MAF: variants seen among roughly 807,000 people sequenced by gnomAD.
MAF encodes the protein transcription factor Maf.
MAF carries 10 observed loss-of-function variants against 22.0 expected under a neutral mutation model. That is an observed-to-expected ratio of 0.45 (90% CI 0.28 to 0.77). The LOEUF is 0.77. Ranked by LOEUF, MAF falls within the 30% of genes least tolerant of loss-of-function variation. The pLI is 0.12. For missense variants in MAF, 544 were observed against 548.4 expected (o/e 0.99, Z 0.08); for synonymous variants, 337 against 255.8 (o/e 1.32, Z -3.03).
the MAF span, among the ~76,000 whole-genome samples, chr16:79,209,265 A>G: frequency 1.3e-5 from 2 of 152,228 alleles, no homozygotes; most frequent in Admixed American, 6.5e-5. Flanking sequence ...AGCTCCTGCA[A>G]CAATGGCATT....
At chr16:79,524,517 T>C in the MAF span, among the ~76,000 whole-genome samples, 1 of 152,250 alleles carries the variant, frequency 6.6e-6, no homozygotes, top group African/African-American at 2.4e-5. Context: ...ATCAGCAATT[T>C]TGAGGTTTCT....
intron 1 of MAF, 90 bp downstream of exon 1, chr16:79,598,695 A>T: frequency 6.3e-7 from 1 of 1,582,436 alleles, no homozygotes; most frequent in African/African-American, 1.3e-5. Context: ...GGTGGCGAGC[A>T]TGGCTCTAGA....
At chr16:79,541,489 A>ATT in the MAF span, among the ~76,000 whole-genome samples, 24 of 150,934 alleles carry the variant, frequency 1.6e-4, no homozygotes, top group Non-Finnish European at 2.4e-4. Flanking sequence ...AAAAAAAAAA[A>ATT]AATAATAAAT....
chr16:79,483,027 CCCCT>C, the MAF span, among the ~76,000 whole-genome samples: 3 of 7,418 alleles, frequency 4.0e-4, no homozygotes, highest in African/African-American at 1.6e-3. Flanking sequence ...TCTCTTCCCT[CCCCT>C]CCCTCCCTCC....
At chr16:79,328,162 T>C in the MAF span, among the ~76,000 whole-genome samples, 1 of 152,190 alleles carries the variant, frequency 6.6e-6, no homozygotes, top group Non-Finnish European at 1.5e-5. Flanking sequence ...GGTAGGTGCC[T>C]AGTAATATAT....
chr16:79,249,426 A>G, the MAF span, among the ~76,000 whole-genome samples: 2 of 151,630 alleles, frequency 1.3e-5, no homozygotes, highest in East Asian at 1.9e-4. Context: ...TTCAAAAAAA[A>G]AAAAAAAAAA....
At chr16:79,377,749 T>G in the MAF span, among the ~76,000 whole-genome samples, 1 of 152,208 alleles carries the variant, frequency 6.6e-6, no homozygotes, top group African/African-American at 2.4e-5. Context: ...TACATATGGC[T>G]AGCCAGTTTT....
the MAF span, among the ~76,000 whole-genome samples, chr16:79,495,205 T>C: frequency 1.3e-5 from 2 of 152,186 alleles, no homozygotes; most frequent in Non-Finnish European, 1.5e-5. Context: ...CTCATGCCTG[T>C]AATCCCAGCA....
the MAF span, among the ~76,000 whole-genome samples, chr16:79,289,850 G>T: frequency 1.4e-4 from 5 of 35,108 alleles, no homozygotes; most frequent in South Asian, 2.8e-3. Flanking sequence ...ATGTTTGTTT[G>T]TGTATTTTTT....
the MAF span, among the ~76,000 whole-genome samples, chr16:79,557,019 T>C: frequency 1.3e-5 from 2 of 149,296 alleles, no homozygotes; most frequent in Admixed American, 6.6e-5. Flanking sequence ...GGGCTTGCTA[T>C]GTTGCCCAGG....
At chr16:79,476,489 A>C in the MAF span, among the ~76,000 whole-genome samples, 2 of 152,172 alleles carry the variant, frequency 1.3e-5, no homozygotes, top group African/African-American at 2.4e-5. Flanking sequence ...TGAAAGAGTG[A>C]AGTGCATTTC....
chr16:79,589,874 C>A, downstream of MAF, among the ~76,000 whole-genome samples: 1 of 152,172 alleles, frequency 6.6e-6, no homozygotes, highest in East Asian at 1.9e-4. Flanking sequence ...CGCCGGGCGG[C>A]GTCGTGGGCA....
chr16:79,357,019 G>A, the MAF span, among the ~76,000 whole-genome samples: 15 of 152,292 alleles, frequency 9.8e-5, no homozygotes, highest in South Asian at 2.7e-3. Context: ...CACTTTGGGA[G>A]GCCAAGGCAG....
the MAF span, among the ~76,000 whole-genome samples, chr16:79,241,317 A>G: frequency 6.6e-6 from 1 of 152,252 alleles, no homozygotes; most frequent in East Asian, 1.9e-4. Flanking sequence ...CAAATTGCTA[A>G]CTGGAATAAC....
chr16:79,431,461 T>C, the MAF span, among the ~76,000 whole-genome samples: 1 of 152,248 alleles, frequency 6.6e-6, no homozygotes, highest in Non-Finnish European at 1.5e-5. Context: ...CGTACATACA[T>C]ACACTGTGCA....
the MAF span, among the ~76,000 whole-genome samples, chr16:79,467,565 C>T: frequency 1.3e-5 from 2 of 152,178 alleles, no homozygotes; most frequent in South Asian, 2.1e-4. Context: ...TTCCAGAGCT[C>T]GTGCCCTTAA....
chr16:79,268,977 A>C, the MAF span, among the ~76,000 whole-genome samples: 1 of 152,150 alleles, frequency 6.6e-6, no homozygotes, highest in Admixed American at 6.5e-5. Flanking sequence ...TAAGAGATAA[A>C]AGCTCCTCAG....
At chr16:79,434,606 T>C in the MAF span, among the ~76,000 whole-genome samples, 42 of 151,784 alleles carry the variant, frequency 2.8e-4, no homozygotes, top group Non-Finnish European at 5.9e-4. Flanking sequence ...AAAGTATACA[T>C]ATACTTTTAA....
the MAF span, among the ~76,000 whole-genome samples, chr16:79,413,210 G>GTTGTTTTTTTTTTTTTTTTTTTTT: frequency 1.6e-5 from 1 of 63,620 alleles, no homozygotes; most frequent in African/African-American, 5.6e-5. Flanking sequence ...GAGCTGTGCA[G>GTTGTTTTTTTTTTTTTTTTTTTTT]TTTTTTTTTT....
Sources: allele counts gnomAD v4.1 joint callset (sites outside exome capture counted in the v4.1 genomes callset), GRCh38; gene constraint gnomAD v4.1.1; transcripts MANE v1.5; gene names NCBI Gene and HGNC (gene_info 2026-07-23, HGNC 2026-07-21).